SNTG1: variants seen among roughly 807,000 people sequenced by gnomAD.
SNTG1 encodes gamma-1-syntrophin.
SNTG1 carries 39 observed loss-of-function variants against 74.7 expected under a neutral mutation model. The observed-to-expected ratio is 0.52, with a 90% confidence interval of 0.40 to 0.68. The LOEUF is 0.68. SNTG1 is among the 30% of genes least tolerant of loss of function. SNTG1 has a pLI of 0.00. For missense variants in SNTG1, 685 were observed against 609.5 expected, an observed-to-expected ratio of 1.12 and a Z score of -1.30; for synonymous variants, 254 against 217.1, an observed-to-expected ratio of 1.17 and a Z score of -1.49.
chr8:50,312,532 C>T (rs1355755739), intron 2 of SNTG1, among the ~76,000 whole-genome samples: 1 of 145,854 alleles, frequency 6.9e-6, no homozygotes, highest in Non-Finnish European at 1.5e-5. Context: ...ACTTCAGCTG[C>T]CTCAAGGAGG....
chr8:50,625,860 C>T (rs2094953119), intron 13 of SNTG1, among the ~76,000 whole-genome samples: 1 of 152,158 alleles, frequency 6.6e-6, no homozygotes. Flanking sequence ...AGATATGATA[C>T]AGGCAGTTGG....
At chr8:50,480,242 T>C (rs2131811280) in intron 8 of SNTG1, among the ~76,000 whole-genome samples, 1 of 141,486 alleles carries the variant, frequency 7.1e-6, no homozygotes, top group South Asian at 2.7e-4. Context: ...GAGCTTAAAA[T>C]TAGTGATGGG....
intron 13 of SNTG1, among the ~76,000 whole-genome samples, chr8:50,638,216 G>T (rs2095051100): frequency 6.6e-6 from 1 of 152,048 alleles, no homozygotes; most frequent in Non-Finnish European, 1.5e-5. Context: ...ATGGAATGAA[G>T]CCTACTGATA....
In SNTG1 at chr8:49,971,866, G is replaced by C. The variant is rs1452012103; in HGVS notation, c.-103+59635G>C. On this transcript the variant is annotated intron_variant, in intron 1 of 18. Transcript: ENST00000642720. The stretch of plus-strand genomic sequence containing the variant: ...AACCACTGCTCAAGGAAATAAAAGA[G>C]GATACAAAGAAATGGAAGAACATTC... Among the ~76,000 whole-genome samples the C allele has an allele frequency of 3.9e-5, 6 of 152,072 alleles. No homozygotes were observed. In the East Asian group the frequency reaches 1.2e-3, roughly 29 times the overall value.
chr8:50,154,332 G>A (rs570724275), intron 1 of SNTG1, among the ~76,000 whole-genome samples: 26 of 152,178 alleles, frequency 1.7e-4, no homozygotes, highest in South Asian at 4.1e-4. Context: ...GTCTGTCACC[G>A]CTTCCCTTGG....
chr8:50,400,244 A>G lies in SNTG1; in HGVS notation c.28-1966A>G, dbSNP rs144541280. ...AAATCTAAGGATAGATTTCACATGTAAGTGATATAATATGATATTTGTCTT... is the reference window on the plus strand; with the variant it reads ...AAATCTAAGGATAGATTTCACATGTGAGTGATATAATATGATATTTGTCTT... On this transcript the variant is annotated intron_variant, in intron 3 of 18. Coordinates refer to ENST00000642720, the MANE Select transcript of SNTG1 (RefSeq NM_018967.5). Among the ~76,000 whole-genome samples, 199 of 152,340 alleles carry G rather than the reference A, an allele frequency of 1.3e-3. 1 individual carries two copies. The highest frequency in any genetic ancestry group is 4.7e-3 in the African/African-American group (195 of 41,584).
chr8:50,232,507 T>C (rs1158590890), intron 2 of SNTG1, among the ~76,000 whole-genome samples: 1 of 151,434 alleles, frequency 6.6e-6, no homozygotes, highest in East Asian at 1.9e-4. Context: ...AAAGAGTGAA[T>C]CTTTACCCTT....
At chr8:50,633,980 T>C (rs1585907761) in intron 13 of SNTG1, among the ~76,000 whole-genome samples, 1 of 152,184 alleles carries the variant, frequency 6.6e-6, no homozygotes, top group East Asian at 1.9e-4. Flanking sequence ...AGTCTCTTAA[T>C]TGAGAATAGC....
intron 1 of SNTG1, among the ~76,000 whole-genome samples, chr8:50,125,560 T>G (rs1481068025): frequency 7.0e-6 from 1 of 142,244 alleles, no homozygotes; most frequent in African/African-American, 2.5e-5. Flanking sequence ...AATAAGCACA[T>G]AAAATGTAAT....
At chr8:50,265,116 TC>T (rs1224867856) in intron 2 of SNTG1, among the ~76,000 whole-genome samples, 1 of 152,054 alleles carries the variant, frequency 6.6e-6, no homozygotes, top group African/African-American at 2.4e-5. Context: ...GAGTGAACAC[TC>T]CTAACTCATT....
chr8:50,607,466 CATTTCATTTTACTT>C (rs2094821151), intron 13 of SNTG1, among the ~76,000 whole-genome samples: 1 of 151,594 alleles, frequency 6.6e-6, no homozygotes, highest in East Asian at 1.9e-4. Flanking sequence ...GGAATTCATG[CATTTCATTTTACTT>C]ATTTAAGTCA....
At chr8:50,329,919 T>C (rs2090898576) in intron 2 of SNTG1, among the ~76,000 whole-genome samples, 1 of 152,194 alleles carries the variant, frequency 6.6e-6, no homozygotes, top group Non-Finnish European at 1.5e-5. Flanking sequence ...TCCAGTAAAA[T>C]TTCCACAGAT....
chr8:50,333,571 G>A (rs756409139), intron 2 of SNTG1, among the ~76,000 whole-genome samples: 45 of 152,114 alleles, frequency 3.0e-4, no homozygotes, highest in Non-Finnish European at 6.5e-4. Context: ...TATTATGCTG[G>A]AAACAGCATT....
intron 1 of SNTG1, among the ~76,000 whole-genome samples, chr8:50,165,575 C>A (rs1291242542): frequency 6.6e-6 from 1 of 152,164 alleles, no homozygotes; most frequent in African/African-American, 2.4e-5. Context: ...TTTACGTCAT[C>A]TTCAGCCACG....
intron 15 of SNTG1, among the ~76,000 whole-genome samples, chr8:50,698,498 A>T (rs2095412560): frequency 6.6e-6 from 1 of 152,024 alleles, no homozygotes; most frequent in African/African-American, 2.4e-5. Context: ...GAAGTGAAAG[A>T]TGGGGTGAGC....
At chr8:50,452,628 G>A (rs544747635) in intron 8 of SNTG1, among the ~76,000 whole-genome samples, 4 of 152,256 alleles carry the variant, frequency 2.6e-5, no homozygotes, top group African/African-American at 9.6e-5. Context: ...CTTCTGAATG[G>A]TTCTCATTCT....
In SNTG1 at chr8:50,641,949, G is replaced by A. The variant is rs145541392; in HGVS notation, c.850-14960G>A. On this transcript the variant is annotated intron_variant, in intron 13 of 18. Coordinates refer to ENST00000642720, the MANE Select transcript of SNTG1 (RefSeq NM_018967.5). ...TGATGAGACAGTCTTAAACTGAATA[G>A]TCTATCTGACAAGACTAGACCATGC... Among the ~76,000 whole-genome samples the A allele has an allele frequency of 3.0e-3, 459 of 152,288 alleles. 3 individuals carry two copies. The highest frequency in any genetic ancestry group is 0.011 in the African/African-American group (442 of 41,554).
intron 12 of SNTG1, among the ~76,000 whole-genome samples, chr8:50,562,948 C>CA (rs2094496678): frequency 6.6e-6 from 1 of 152,144 alleles, no homozygotes; most frequent in Non-Finnish European, 1.5e-5. Context: ...GCAGTCTGAG[C>CA]AAGGACTGTC....
intron 18 of SNTG1, among the ~76,000 whole-genome samples, chr8:50,779,818 A>C (rs2095653292): frequency 6.6e-6 from 1 of 152,106 alleles, no homozygotes. Flanking sequence ...TTGCCAATTC[A>C]GTATAATATT....
Sources: gnomAD v4.1 joint callset for allele counts (sites outside exome capture counted in the v4.1 genomes callset) on GRCh38, gnomAD v4.1.1 for gene constraint, MANE v1.5 for transcripts, NCBI Gene and HGNC (gene_info 2026-07-23, HGNC 2026-07-21) for gene names.